ATP8A2: variants seen among roughly 807,000 people sequenced by gnomAD.
ATP8A2 encodes ATPase phospholipid transporting 8A2.
In ATP8A2, 100 loss-of-function variants were observed where a neutral mutation model predicts 165.6. That is an observed-to-expected ratio of 0.60 (90% CI 0.51 to 0.71). The LOEUF is 0.71. ATP8A2 is among the 30% of genes least tolerant of loss of function. ATP8A2 has a pLI of 0.00. For missense variants in ATP8A2, 1,227 were observed against 1,479.5 expected (o/e 0.83, Z 2.80); for synonymous variants, 543 against 548.8 (o/e 0.99, Z 0.15).
In ATP8A2 at chr13:25,468,947, G is replaced by A. The variant is rs775304354; in HGVS notation, c.77-30G>A. 3.7e-6 allele frequency: 6 copies of A among 1,610,546 alleles called. No homozygotes were observed. In the African/African-American group the frequency reaches 4.0e-5, roughly 11 times the overall value. ...GCCTGGCGGTTGACTTCTTTGTGTC[G>A]TATTCTCTGCCTGCGCCCTGTCTCT... On this transcript the variant is annotated intron_variant, in intron 1 of 36. Transcript: ENST00000381655.
intron 1 of ATP8A2, among the ~76,000 whole-genome samples, chr13:25,439,813 A>G (rs957652109): frequency 2.6e-5 from 4 of 151,996 alleles, no homozygotes; most frequent in Admixed American, 2.6e-4. Context: ...ACGCTGAGGC[A>G]GGAGGATTGC....
chr13:25,591,897 C>A (rs2040091598), intron 24 of ATP8A2, among the ~76,000 whole-genome samples: 1 of 152,090 alleles, frequency 6.6e-6, no homozygotes, highest in Non-Finnish European at 1.5e-5. Context: ...GGGACATATA[C>A]CCAGAAGTGG....
chr13:25,544,198 T>A (rs975524594), intron 10 of ATP8A2, among the ~76,000 whole-genome samples: 2 of 152,202 alleles, frequency 1.3e-5, no homozygotes. Context: ...GGGGAGCCAG[T>A]TGGGCTAAGG....
chr13:25,547,399 T>A (rs1020969736), intron 10 of ATP8A2, among the ~76,000 whole-genome samples: 10 of 151,932 alleles, frequency 6.6e-5, no homozygotes, highest in African/African-American at 2.4e-4. Context: ...TGGCATTAGA[T>A]TCTCATAGGA....
intron 27 of ATP8A2, among the ~76,000 whole-genome samples, chr13:25,826,423 A>C (rs1951314650): frequency 6.6e-6 from 1 of 152,188 alleles, no homozygotes; most frequent in Non-Finnish European, 1.5e-5. Flanking sequence ...ATTTAATTTG[A>C]TCTCACGGGG....
chr13:25,546,514 C>CTTTT (rs1222212487), intron 10 of ATP8A2, among the ~76,000 whole-genome samples: 1 of 142,188 alleles, frequency 7.0e-6, no homozygotes, highest in Non-Finnish European at 1.5e-5. Flanking sequence ...GTTCTTCTAC[C>CTTTT]TTTTTTTTTT....
At chr13:25,846,404 A>G (rs960706917) in intron 30 of ATP8A2, among the ~76,000 whole-genome samples, 1 of 152,158 alleles carries the variant, frequency 6.6e-6, no homozygotes, top group African/African-American at 2.4e-5. Context: ...TGCTTCCTGG[A>G]GGATGTGGCA....
intron 33 of ATP8A2, among the ~76,000 whole-genome samples, chr13:25,871,385 C>T (rs887569991): frequency 6.6e-6 from 1 of 152,128 alleles, no homozygotes; most frequent in African/African-American, 2.4e-5. Context: ...GTGGCCTTGT[C>T]TGATGACTGG....
chr13:25,824,668 G>A (rs112490722), intron 27 of ATP8A2, among the ~76,000 whole-genome samples: 2 of 152,196 alleles, frequency 1.3e-5, no homozygotes, highest in Middle Eastern at 3.4e-3. Context: ...TGCCCTAGAG[G>A]AAATTTCTGT....
intron 33 of ATP8A2, among the ~76,000 whole-genome samples, chr13:25,943,603 C>T (rs1025930951): frequency 6.6e-6 from 1 of 152,328 alleles, no homozygotes; most frequent in Admixed American, 6.5e-5. Context: ...ACTCACCTAA[C>T]TATGCATTTC....
chr13:25,811,258 A>G (rs1360700111), intron 27 of ATP8A2, among the ~76,000 whole-genome samples: 1 of 152,232 alleles, frequency 6.6e-6, no homozygotes, highest in East Asian at 1.9e-4. Flanking sequence ...TCAGTGACAT[A>G]ATTTTGGCAG....
At chr13:25,614,141 TTTC>T (rs1170519488) in intron 24 of ATP8A2, among the ~76,000 whole-genome samples, 4 of 152,162 alleles carry the variant, frequency 2.6e-5, no homozygotes, top group Non-Finnish European at 5.9e-5. Flanking sequence ...GTTTCAGATT[TTTC>T]TTCTTCTTTG....
chr13:25,468,447 C>G (rs1469782318), intron 1 of ATP8A2, among the ~76,000 whole-genome samples: 1 of 152,206 alleles, frequency 6.6e-6, no homozygotes, highest in Non-Finnish European at 1.5e-5. Flanking sequence ...TGTGCTTTCG[C>G]CATCTCCTTC....
chr13:25,495,633 T>A (rs1392146913), intron 2 of ATP8A2, among the ~76,000 whole-genome samples: 1 of 148,284 alleles, frequency 6.7e-6, no homozygotes, highest in East Asian at 2.0e-4. Flanking sequence ...GCTTTTTTTT[T>A]TTTTTTTTTT....
At chr13:26,016,496 G>A (rs553920394) in intron 36 of ATP8A2, among the ~76,000 whole-genome samples, 1 of 152,274 alleles carries the variant, frequency 6.6e-6, no homozygotes, top group African/African-American at 2.4e-5. Flanking sequence ...CCGGAGTTGG[G>A]TTTCCAGTAG....
At chr13:25,875,396 TA>T (rs1952796763) in intron 33 of ATP8A2, among the ~76,000 whole-genome samples, 1 of 151,814 alleles carries the variant, frequency 6.6e-6, no homozygotes, top group South Asian at 2.1e-4. Context: ...AGTAAATATT[TA>T]AATGAAGGAA....
At chr13:25,586,543 G>A (rs924285111) in intron 23 of ATP8A2, among the ~76,000 whole-genome samples, 1 of 152,178 alleles carries the variant, frequency 6.6e-6, no homozygotes, top group Non-Finnish European at 1.5e-5. Context: ...TCCCACCTGG[G>A]ATAGCTTAAA....
intron 28 of ATP8A2, among the ~76,000 whole-genome samples, chr13:25,831,664 G>GA (rs1277588507): frequency 6.6e-6 from 1 of 151,926 alleles, no homozygotes; most frequent in Non-Finnish European, 1.5e-5. Context: ...CCAACATGGT[G>GA]AAACCTCATC....
chr13:25,903,019 C>T, intron 33 of ATP8A2, among the ~76,000 whole-genome samples: 1 of 151,254 alleles, frequency 6.6e-6, no homozygotes, highest in Non-Finnish European at 1.5e-5. Flanking sequence ...ATAAAAACTC[C>T]TGTCTCGAAT....
Sources: allele counts gnomAD v4.1 joint callset (sites outside exome capture counted in the v4.1 genomes callset), GRCh38; gene constraint gnomAD v4.1.1; transcripts MANE v1.5; gene names NCBI Gene and HGNC (gene_info 2026-07-23, HGNC 2026-07-21).